The following ZNF639 variants were observed in gnomAD, a reference collection of about 807,000 sequenced individuals.
ZNF639 encodes zinc finger protein 639.
In ZNF639, 20 loss-of-function variants were observed where a neutral mutation model predicts 39.8. That is an observed-to-expected ratio of 0.50 (90% CI 0.35 to 0.73). The LOEUF is 0.73. ZNF639 is among the 30% of genes least tolerant of loss of function. ZNF639 has a pLI of 0.00. For missense variants in ZNF639, 477 were observed against 566.2 expected, an observed-to-expected ratio of 0.84 and a Z score of 1.60; for synonymous variants, 176 against 189.8, an observed-to-expected ratio of 0.93 and a Z score of 0.60.
rs1271019053 is a variant in ZNF639 at position 179,335,503 on chromosome 3, C to A, written c.*1081C>A. On this transcript the variant is annotated 3_prime_UTR_variant, in exon 6 of 6. Coordinates refer to ENST00000496856, the MANE Select transcript of ZNF639 (RefSeq NM_001303426.2). ...TGCTGGCATGAAAATGTATAACTTA[C>A]AACATTTATTAATAAAATGATAAAT... 6.6e-6 allele frequency: 1 copy of A among 152,192 alleles called. No homozygotes were observed. The highest frequency in any genetic ancestry group is 2.4e-5 in the African/African-American group (1 of 41,446). The allele number at this position is 152,192 out of a possible 1,614,324, so 9.4% of individuals were successfully genotyped here.
At chr3:179,331,173 C>T (rs939571373) in intron 4 of ZNF639, among the ~76,000 whole-genome samples, 2 of 152,140 alleles carry the variant, frequency 1.3e-5, no homozygotes, top group Non-Finnish European at 2.9e-5. Flanking sequence ...AAGGGGCACA[C>T]GTCAACTTAA....
At chr3:179,330,294 TA>T (rs1727837023) in intron 4 of ZNF639, among the ~76,000 whole-genome samples, 1 of 151,962 alleles carries the variant, frequency 6.6e-6, no homozygotes, top group African/African-American at 2.4e-5. Context: ...GGGGTGGGGT[TA>T]GGGGGAGACA....
At position 179,328,309 on chromosome 3, in the gene ZNF639, A is replaced by T. The variant is rs1322967512; in HGVS notation, c.16A>T (p.Lys6Ter). 6.3e-7 allele frequency: 1 copy of T among 1,577,568 alleles called. No individual in the cohort carries two copies. The highest frequency in any genetic ancestry group is 8.6e-7 in the Non-Finnish European group (1 of 1,160,088). The part of the protein sequence containing the change: MNEYP[K>*]KRKRKTLHPS... ...TTGAAAAGATATGAATGAGTATCCT[A>T]AAAAAAGAAAAAGGAAGACTCTACA... is the stretch of plus-strand genomic sequence containing the variant. Residue 6 changes from lysine (K) to a stop codon, truncating the protein, a stop_gained, in exon 3 of 6, where the codon AAA becomes TAA. Transcript: ENST00000496856. LOFTEE classifies it high-confidence loss of function.
chr3:179,328,478 T>C, intron 3 of ZNF639, 127 bp downstream of exon 3: 1 of 564,034 alleles, frequency 1.8e-6, no homozygotes. Flanking sequence ...AAAACAACGG[T>C]TTAAATACAT....
rs201631790 is a variant in ZNF639, at chr3:179,330,523, C to CA, written c.169+796dup. Among the ~76,000 whole-genome samples, 921 of 152,332 alleles carry CA rather than the reference C, an allele frequency of 6.0e-3. 15 individuals are homozygous for CA. The highest frequency in any genetic ancestry group is 0.021 in the African/African-American group (889 of 41,570). On this transcript the variant is annotated intron_variant, in intron 4 of 5. Transcript: ENST00000496856. ...CTGGTCTTGAACTCCTGGCCTCAAG[C>CA]AGTCCTCCCATGTTGGCCTCACAGA...
chr3:179,326,199 C>T (rs1406339631), intron 1 of ZNF639, among the ~76,000 whole-genome samples: 1 of 152,060 alleles, frequency 6.6e-6, no homozygotes, highest in Non-Finnish European at 1.5e-5. Flanking sequence ...GGTGTGCTGG[C>T]GGGTACCTGT....
At chr3:179,329,592 T>A (rs746106848) in intron 3 of ZNF639, 26 bp from the exon 4 acceptor site, 2 of 1,371,800 alleles carry the variant, frequency 1.5e-6, no homozygotes, top group Non-Finnish European at 2.1e-6. Flanking sequence ...TTACTGTACT[T>A]GAAATATTTT....
chr3:179,331,557 TCA>T lies in ZNF639; in HGVS notation c.170-1430_170-1429del, dbSNP rs199519581. Reference sequence around the variant, plus strand: ...ACTTTGGGAGGCTGAGGCAGGCAGATCACCTGAGGTCAGGAGTTTGAGACCAG... The same window carrying T: ...ACTTTGGGAGGCTGAGGCAGGCAGATCCTGAGGTCAGGAGTTTGAGACCAG... On this transcript the variant is annotated intron_variant, in intron 4 of 5. Coordinates refer to ENST00000496856, the MANE Select transcript of ZNF639 (RefSeq NM_001303426.2). Among the ~76,000 whole-genome samples, 165 of 152,206 alleles carry T rather than the reference TCA, an allele frequency of 1.1e-3. 3 individuals are homozygous for T. The East Asian group carries it at 0.027, about 25-fold the overall frequency.
At chr3:179,330,494 C>T (rs886298734) in intron 4 of ZNF639, among the ~76,000 whole-genome samples, 42 of 152,168 alleles carry the variant, frequency 2.8e-4, no homozygotes, top group African/African-American at 9.9e-4. Context: ...CTGTGTTGCC[C>T]AGGCTGGTCT....
In ZNF639 at chr3:179,333,419, A is replaced by G; in HGVS notation, c.455A>G (p.Asp152Gly). 1 of 1,614,126 alleles carries G rather than the reference A, an allele frequency of 6.2e-7. No homozygotes were observed. The highest frequency in any genetic ancestry group is 8.5e-7 in the Non-Finnish European group (1 of 1,180,026). The change falls in exon 6 of 6, where the codon GAT (aspartate) becomes GGT (glycine). Residue 152 changes from aspartate to glycine, a missense_variant. Coordinates refer to ENST00000496856, the MANE Select transcript of ZNF639 (RefSeq NM_001303426.2). ...VEVHAISEDY[D>G]IETENNSSES... ...GTGCATGCGATTTCTGAGGATTATG[A>G]TATAGAGACAGAAAACAATTCCTCT...
At chr3:179,325,772 T>C (rs1229171769) in intron 1 of ZNF639, among the ~76,000 whole-genome samples, 2 of 151,922 alleles carry the variant, frequency 1.3e-5, no homozygotes, top group Admixed American at 1.3e-4. Context: ...TCCCAGCTAC[T>C]TGGGAGGCTG....
chr3:179,333,880 C>T lies in ZNF639; in HGVS notation c.916C>T (p.Leu306=). The change falls in exon 6 of 6, where the codon CTA becomes TTA. Residue 306 remains leucine (L), a synonymous_variant. Coordinates refer to ENST00000496856, the MANE Select transcript of ZNF639 (RefSeq NM_001303426.2). ...VQFSSSSELY[L]HFQEHSCDEQ... ...GTTCTCCTCAAGCAGTGAACTCTACCTACATTTCCAGGAGCACAGCTGTGA... is the reference window on the plus strand; with the variant it reads ...GTTCTCCTCAAGCAGTGAACTCTACTTACATTTCCAGGAGCACAGCTGTGA... The T allele has an allele frequency of 3.7e-6, 6 of 1,614,148 alleles. No homozygotes were observed. Among genetic ancestry groups the T allele is most frequent in the Middle Eastern group, 1.6e-4 (1 of 6,062 alleles).
In ZNF639 at chr3:179,338,087, A is replaced by G. The variant is rs950135356; in HGVS notation, c.*3665A>G. 6.6e-6 allele frequency: 1 copy of G among 152,106 alleles called. No individual in the cohort carries two copies. Among genetic ancestry groups the G allele is most frequent in the Admixed American group, 6.6e-5 (1 of 15,262 alleles). 9.4% of individuals were successfully genotyped at this position (152,106 alleles called of 1,614,324 possible). A position where few individuals can be genotyped will look rare whatever the true frequency, so the allele number is the denominator to read the frequency against. ...GCCAGTCTTTATTTTTAACTTAAAGAACTTCAGAAAAACAAACCTACCTAA... is the reference window on the plus strand; with the variant it reads ...GCCAGTCTTTATTTTTAACTTAAAGGACTTCAGAAAAACAAACCTACCTAA... On this transcript the variant is annotated 3_prime_UTR_variant, in exon 6 of 6. Coordinates refer to ENST00000496856, the MANE Select transcript of ZNF639 (RefSeq NM_001303426.2).
At position 179,333,672 on chromosome 3, in the gene ZNF639, A is replaced by G. The variant is rs773476682; in HGVS notation, c.708A>G (p.Arg236=). 3.1e-6 allele frequency: 5 copies of G among 1,614,192 alleles called. No individual in the cohort carries two copies. The South Asian group carries it at 4.4e-5, about 14-fold the overall frequency. Residue 236 remains arginine (R), a synonymous_variant, in exon 6 of 6, where the codon CGA becomes CGG. Transcript: ENST00000496856. ...AACGTACTGATTCAAATGTGTGTCG[A>G]GTATGCAAGGAAAGTTTCTCTACCA... ...KHKRTDSNVC[R]VCKESFSTNM...
At chr3:179,326,004 T>C (rs113526015) in intron 1 of ZNF639, among the ~76,000 whole-genome samples, 5,787 of 151,528 alleles carry the variant, frequency 0.038, 358 homozygotes, top group African/African-American at 0.13. Context: ...GCACCTCAGC[T>C]AGAACACCTG....
Position 179,337,767 on chromosome 3 carries a change from C to CTTTA in ZNF639, c.*3357_*3360dup, listed in dbSNP as rs1228473823. ...CCATAAATTGCTTGAAGTAGTTGGT[C>CTTTA]TTTATTTATTTATTTTTTGAGATGG... On this transcript the variant is annotated 3_prime_UTR_variant, in exon 6 of 6. Transcript: ENST00000496856. 1.3e-5 allele frequency: 2 copies of CTTTA among 151,656 alleles called. No individual in the cohort carries two copies. The highest frequency in any genetic ancestry group is 2.4e-5 in the African/African-American group (1 of 41,246). The allele number at this position is 151,656 out of a possible 1,614,324, so 9.4% of individuals were successfully genotyped here. A position where few individuals can be genotyped will look rare whatever the true frequency, so the allele number is the denominator to read the frequency against.
Position 179,333,858 on chromosome 3 carries a change from C to T in ZNF639, c.894C>T (p.Phe298=). The T allele has an allele frequency of 6.2e-7, 1 of 1,614,122 alleles. No homozygotes were observed. Among genetic ancestry groups the T allele is most frequent in the Non-Finnish European group, 8.5e-7 (1 of 1,180,028 alleles). Residue 298 remains phenylalanine (F), a synonymous_variant, in exon 6 of 6, where the codon TTC becomes TTT. Transcript: ENST00000496856. The part of the protein sequence containing the change: ...LYWCEQCDVQ[F]SSSSELYLHF... ...GGTGTGAACAGTGTGATGTACAGTT[C>T]TCCTCAAGCAGTGAACTCTACCTAC...
chr3:179,330,889 T>C (rs137942130), intron 4 of ZNF639, among the ~76,000 whole-genome samples: 1 of 152,226 alleles, frequency 6.6e-6, no homozygotes, highest in African/African-American at 2.4e-5. Context: ...ACATACAGAA[T>C]GCTTGTAGAT....
Position 179,333,894 on chromosome 3 carries a change from G to T in ZNF639, c.930G>T (p.Glu310Asp), listed in dbSNP as rs776599584. 1.2e-6 allele frequency: 2 copies of T among 1,614,024 alleles called. No individual in the cohort carries two copies. The highest frequency in any genetic ancestry group is 1.7e-6 in the Non-Finnish European group (2 of 1,180,030). Residue 310 changes from glutamate (E) to aspartate (D), a missense_variant, in exon 6 of 6, where the codon GAG (glutamate) becomes GAT (aspartate). Glu to Asp is a conservative substitution (Grantham distance 45). Coordinates refer to ENST00000496856, the MANE Select transcript of ZNF639 (RefSeq NM_001303426.2). ...GTGAACTCTACCTACATTTCCAGGA[G>T]CACAGCTGTGATGAACAGTACTTGT... ...SSSELYLHFQEHSCDEQYLCQ... is the reference protein window; with the variant it reads ...SSSELYLHFQDHSCDEQYLCQ...
Sources: allele counts gnomAD v4.1 joint callset (sites outside exome capture counted in the v4.1 genomes callset), GRCh38; gene constraint gnomAD v4.1.1; transcripts MANE v1.5; gene names NCBI Gene and HGNC (gene_info 2026-07-23, HGNC 2026-07-21).